The following SLC39A9 variants were observed in gnomAD, a reference collection of about 807,000 sequenced individuals.
SLC39A9 encodes solute carrier family 39 member 9.
In SLC39A9, 14 loss-of-function variants were observed where a neutral mutation model predicts 28.4. That is an observed-to-expected ratio of 0.49 (90% CI 0.33 to 0.77). The LOEUF is 0.77. Among genes scored for constraint, SLC39A9 ranks in the 30% least tolerant of loss-of-function variants. The probability of loss-of-function intolerance (pLI) is 0.02; values close to 1 mark genes in which losing one functional copy is unlikely to be tolerated. For missense variants in SLC39A9, 283 were observed against 381.1 expected, an observed-to-expected ratio of 0.74 and a Z score of 2.14; for synonymous variants, 119 against 149.6, an observed-to-expected ratio of 0.80 and a Z score of 1.49.
chr14:69,447,444 T>G (rs1341871324), intron 3 of SLC39A9, among the ~76,000 whole-genome samples: 1 of 152,190 alleles, frequency 6.6e-6, no homozygotes, highest in Non-Finnish European at 1.5e-5. Context: ...CTTTCTGGAC[T>G]GAAGAACCAG....
chr14:69,431,921 G>A (rs755510766), intron 2 of SLC39A9, among the ~76,000 whole-genome samples: 29 of 152,210 alleles, frequency 1.9e-4, no homozygotes, highest in Admixed American at 7.2e-4. Flanking sequence ...ATGGTATTCC[G>A]TGGCGTATAT....
intron 1 of SLC39A9, among the ~76,000 whole-genome samples, chr14:69,420,870 G>T (rs114544055): frequency 4.1e-4 from 63 of 152,298 alleles, no homozygotes; most frequent in African/African-American, 1.4e-3. Context: ...TCTCTACATT[G>T]TTTATTCTCG....
chr14:69,417,281 G>A (rs1446076862), intron 1 of SLC39A9, among the ~76,000 whole-genome samples: 1 of 152,182 alleles, frequency 6.6e-6, no homozygotes, highest in East Asian at 1.9e-4. Flanking sequence ...CAGATGGTTT[G>A]TAGATGTGTG....
rs78777045 is a variant in SLC39A9, at chr14:69,459,557, T to G, written c.*964T>G. The G allele has an allele frequency of 0.12, 23,900 of 197,946 alleles. 103 individuals are homozygous for G. Among genetic ancestry groups the G allele is most frequent in the Non-Finnish European group, 0.13 (21,404 of 158,744 alleles). The allele number at this position is 197,946 out of a possible 1,614,324, so 12.3% of individuals were successfully genotyped here. ...AATGTATGGTTGTCCTTTTTTTTTG[T>G]TTTTTTTTTTTTTAATTATTTCTCT... On this transcript the variant is annotated 3_prime_UTR_variant, in exon 7 of 7. Coordinates refer to ENST00000336643, the MANE Select transcript of SLC39A9 (RefSeq NM_018375.5).
intron 2 of SLC39A9, among the ~76,000 whole-genome samples, chr14:69,434,214 G>C (rs962953966): frequency 1.3e-5 from 2 of 150,932 alleles, no homozygotes; most frequent in African/African-American, 2.4e-5. Flanking sequence ...CTCCCAAGTA[G>C]CTGGGATTAC....
chr14:69,421,490 C>G (rs1883889449), intron 1 of SLC39A9, among the ~76,000 whole-genome samples: 1 of 152,252 alleles, frequency 6.6e-6, no homozygotes, highest in African/African-American at 2.4e-5. Context: ...TCTGTCTATT[C>G]TCAGAGCTCA....
chr14:69,431,534 G>C (rs184234391), intron 2 of SLC39A9, among the ~76,000 whole-genome samples: 2 of 150,502 alleles, frequency 1.3e-5, no homozygotes, highest in Admixed American at 1.3e-4. Flanking sequence ...GTTAGATATA[G>C]GTTTTTTATG....
intron 2 of SLC39A9, among the ~76,000 whole-genome samples, chr14:69,433,889 A>T (rs1884614146): frequency 6.6e-6 from 1 of 151,974 alleles, no homozygotes; most frequent in African/African-American, 2.4e-5. Flanking sequence ...GGTTCAAGTG[A>T]TTCCAATGCC....
At chr14:69,399,936 G>A (rs1882533007) in intron 1 of SLC39A9, among the ~76,000 whole-genome samples, 1 of 152,092 alleles carries the variant, frequency 6.6e-6, no homozygotes, top group Non-Finnish European at 1.5e-5. Flanking sequence ...GCAACGTGGC[G>A]GGACTTTGTC....
At chr14:69,454,013 A>G (rs8014890) in intron 4 of SLC39A9, among the ~76,000 whole-genome samples, 68,869 of 152,060 alleles carry the variant, frequency 0.45, 15,792 homozygotes, top group Middle Eastern at 0.59. Flanking sequence ...TATATGCAAA[A>G]CACCAGTTTA....
intron 1 of SLC39A9, among the ~76,000 whole-genome samples, chr14:69,401,200 G>A (rs968568873): frequency 3.9e-5 from 6 of 152,090 alleles, no homozygotes; most frequent in African/African-American, 1.4e-4. Context: ...TGTTCCATTA[G>A]CAGAAGTTTA....
At chr14:69,456,737 C>G (rs1347807170) in intron 6 of SLC39A9, among the ~76,000 whole-genome samples, 1 of 152,178 alleles carries the variant, frequency 6.6e-6, no homozygotes, top group Non-Finnish European at 1.5e-5. Context: ...GAACTGCTTT[C>G]CCCAACACCC....
chr14:69,436,700 C>CCT (rs1355286814), intron 2 of SLC39A9, among the ~76,000 whole-genome samples: 2 of 152,076 alleles, frequency 1.3e-5, no homozygotes, highest in African/African-American at 4.8e-5. Context: ...TTAAAGAACC[C>CCT]CTCTCTCAGC....
rs1431912281 is a variant in SLC39A9 at position 69,442,076 on chromosome 14, C to T, written c.213C>T (p.His71=). ...ALYEDILEGK[H]HQASETHNVI... ...TGGTTTATTCTGCTCTAGGAAAACA[C>T]CACCAAGCAAGTGAAACACATAATG... Residue 71 remains histidine, a synonymous_variant, in exon 3 of 7, where the codon CAC becomes CAT. Transcript: ENST00000336643. The T allele has an allele frequency of 1.2e-6, 2 of 1,613,748 alleles. No individual in the cohort carries two copies. The highest frequency in any genetic ancestry group is 8.5e-7 in the Non-Finnish European group (1 of 1,179,908).
At chr14:69,440,884 T>G (rs1885016538) in intron 2 of SLC39A9, among the ~76,000 whole-genome samples, 1 of 152,120 alleles carries the variant, frequency 6.6e-6, no homozygotes, top group Non-Finnish European at 1.5e-5. Flanking sequence ...ATGTTGGCCT[T>G]GATCTCCTGG....
At chr14:69,445,609 A>G (rs963783094) in intron 3 of SLC39A9, among the ~76,000 whole-genome samples, 7 of 152,168 alleles carry the variant, frequency 4.6e-5, no homozygotes, top group African/African-American at 1.7e-4. Flanking sequence ...ACACTCCAAC[A>G]TCCACATTGT....
chr14:69,401,018 T>C (rs1249067582), intron 1 of SLC39A9, among the ~76,000 whole-genome samples: 2 of 151,220 alleles, frequency 1.3e-5, no homozygotes, highest in African/African-American at 4.9e-5. Context: ...CAGTGACATA[T>C]AGATGAGGAA....
intron 3 of SLC39A9, among the ~76,000 whole-genome samples, chr14:69,452,916 G>T (rs1422790453): frequency 1.3e-5 from 2 of 152,180 alleles, no homozygotes; most frequent in African/African-American, 4.8e-5. Context: ...ATAGGAGGAA[G>T]TTGGGGCCAT....
intron 1 of SLC39A9, among the ~76,000 whole-genome samples, chr14:69,422,092 A>G (rs1883931838): frequency 6.6e-6 from 1 of 152,100 alleles, no homozygotes; most frequent in Non-Finnish European, 1.5e-5. Flanking sequence ...TGCGTCGATC[A>G]CACTGGGAGC....
Sources: gnomAD v4.1 joint callset for allele counts (sites outside exome capture counted in the v4.1 genomes callset) on GRCh38, gnomAD v4.1.1 for gene constraint, MANE v1.5 for transcripts, NCBI Gene and HGNC (gene_info 2026-07-23, HGNC 2026-07-21) for gene names.